RTF1: variants seen among roughly 807,000 people sequenced by gnomAD.
RTF1 encodes the protein RNA polymerase-associated protein RTF1 homolog.
Under a neutral mutation model 95.7 loss-of-function variants are expected in RTF1, and 10 were observed. The observed-to-expected ratio is 0.10, with a 90% CI of 0.06 to 0.18. RTF1 has a LOEUF of 0.18. RTF1 is among the 10% of genes least tolerant of loss of function. RTF1 has a pLI of 1.00. For missense variants in RTF1, 458 were observed against 875.6 expected, an observed-to-expected ratio of 0.52 and a Z score of 6.02; for synonymous variants, 305 against 311.8, an observed-to-expected ratio of 0.98 and a Z score of 0.23.
intron 6 of RTF1, 40 bp from the exon 7 acceptor site, chr15:41,470,217 G>T: frequency 1.3e-6 from 2 of 1,592,786 alleles, no homozygotes; most frequent in Non-Finnish European, 1.7e-6. Flanking sequence ...TCATTTTCTT[G>T]TTGAGAAAAC....
At chr15:41,470,234 A>T in intron 6 of RTF1, 23 bp from the exon 7 acceptor site, 5 of 1,603,946 alleles carry the variant, frequency 3.1e-6, no homozygotes, top group Non-Finnish European at 4.3e-6. Context: ...AAACCTAGGT[A>T]AACATCTCTT....
At chr15:41,431,855 C>T (rs1479254869) in intron 1 of RTF1, among the ~76,000 whole-genome samples, 2 of 151,612 alleles carry the variant, frequency 1.3e-5, no homozygotes, top group African/African-American at 4.9e-5. Flanking sequence ...GGCCAGAGTG[C>T]AGTGGCACGA....
rs1388802098 is a variant in RTF1, at chr15:41,475,740, C to A, written c.1403C>A (p.Thr468Asn). 6.2e-7 allele frequency: 1 copy of A among 1,609,730 alleles called. No homozygotes were observed. Among genetic ancestry groups the A allele is most frequent in the African/African-American group, 1.3e-5 (1 of 74,864 alleles). The change falls in exon 11 of 18, where the codon ACT becomes AAT. Residue 468 changes from threonine to asparagine, a missense_variant. Transcript: ENST00000389629. The part of the protein sequence containing the change: ...AMFSAGMQLP[T>N]LDEINKKELS... ...TTCTCTGCTGGCATGCAGTTGCCCA[C>A]TCTAGATGAAATCAATAAAAAGGAA...
intron 4 of RTF1, among the ~76,000 whole-genome samples, chr15:41,461,477 G>A (rs112083623): frequency 6.5e-4 from 93 of 142,406 alleles, no homozygotes; most frequent in African/African-American, 2.0e-3. Flanking sequence ...CCACCACACC[G>A]GCCTGGCTAA....
intron 1 of RTF1, among the ~76,000 whole-genome samples, chr15:41,432,862 C>T (rs1360107236): frequency 7.2e-5 from 11 of 151,866 alleles, no homozygotes; most frequent in Middle Eastern, 3.4e-3. Flanking sequence ...TTGCTTGAAC[C>T]AGGAGGCCGA....
At chr15:41,470,138 C>A in intron 6 of RTF1, 119 bp from the exon 7 acceptor site, 1 of 1,045,596 alleles carries the variant, frequency 9.6e-7, no homozygotes, top group Non-Finnish European at 1.4e-6. Flanking sequence ...TTAGCACAAT[C>A]CAGTCTAGAG....
chr15:41,470,485 A>G (rs1162620611), intron 7 of RTF1, 93 bp downstream of exon 7: 17 of 1,303,606 alleles, frequency 1.3e-5, no homozygotes, highest in African/African-American at 4.4e-5. Context: ...TGGTTGGGCC[A>G]CTAACTCTGA....
In RTF1 at chr15:41,419,544, A is replaced by C. The variant is rs116997239; in HGVS notation, c.198+2231A>C. ...TGATAATGTTTCACAGTCATTTTTC[A>C]TGGTGCTAGAGTTCGTGTTTATAAA... is the stretch of plus-strand genomic sequence containing the variant. On this transcript the variant is annotated intron_variant, in intron 1 of 17. Coordinates refer to ENST00000389629, the MANE Select transcript of RTF1 (RefSeq NM_015138.5). 1.3e-4 allele frequency among the ~76,000 whole-genome samples: 20 copies of C among 152,272 alleles called. No individual in the cohort carries two copies. The East Asian group carries it at 2.3e-3, about 18-fold the overall frequency.
At chr15:41,458,870 G>A (rs976074264) in intron 4 of RTF1, among the ~76,000 whole-genome samples, 6 of 146,578 alleles carry the variant, frequency 4.1e-5, no homozygotes, top group Non-Finnish European at 4.5e-5. Context: ...TCAGGAGTTC[G>A]AGACCTGCCT....
chr15:41,417,961 C>T (rs2050580250), intron 1 of RTF1, among the ~76,000 whole-genome samples: 1 of 152,088 alleles, frequency 6.6e-6, no homozygotes, highest in Non-Finnish European at 1.5e-5. Context: ...GGAAAGAGGG[C>T]AGATACTGGA....
At chr15:41,453,375 A>C (rs2050797659) in intron 3 of RTF1, among the ~76,000 whole-genome samples, 1 of 152,110 alleles carries the variant, frequency 6.6e-6, no homozygotes, top group Non-Finnish European at 1.5e-5. Flanking sequence ...AGGGAATCTC[A>C]GTAGAAAATG....
intron 2 of RTF1, among the ~76,000 whole-genome samples, chr15:41,448,586 G>A (rs1175078874): frequency 6.6e-6 from 1 of 151,962 alleles, no homozygotes; most frequent in Non-Finnish European, 1.5e-5. Flanking sequence ...GGGTGTGGGG[G>A]CAGGTGACTA....
chr15:41,467,615 T>C (rs1455027146), intron 6 of RTF1, among the ~76,000 whole-genome samples: 1 of 152,002 alleles, frequency 6.6e-6, no homozygotes, highest in African/African-American at 2.4e-5. Context: ...CTCAGGAGGC[T>C]GAGGCAGGAG....
chr15:41,417,459 C>A, intron 1 of RTF1, 146 bp downstream of exon 1: 1 of 686,120 alleles, frequency 1.5e-6, no homozygotes, highest in Non-Finnish European at 2.1e-6. Flanking sequence ...CCTTTCCCGT[C>A]TTCCTGGAGT....
chr15:41,465,396 T>A (rs1251827632), intron 5 of RTF1, among the ~76,000 whole-genome samples: 1 of 152,148 alleles, frequency 6.6e-6, no homozygotes, highest in African/African-American at 2.4e-5. Flanking sequence ...ATCCCAGCAC[T>A]TTGAGAGGCC....
At chr15:41,432,965 T>C (rs1407296898) in intron 1 of RTF1, among the ~76,000 whole-genome samples, 2 of 147,704 alleles carry the variant, frequency 1.4e-5, no homozygotes, top group African/African-American at 2.5e-5. Flanking sequence ...CAAACAGGCA[T>C]ACTGAGGTCG....
chr15:41,434,624 CT>C (rs61546529), intron 1 of RTF1, among the ~76,000 whole-genome samples: 28,669 of 141,306 alleles, frequency 0.2, 3,329 homozygotes, highest in Non-Finnish European at 0.28. Context: ...GTACTAATGT[CT>C]TTTTTTTTTT....
At chr15:41,422,766 C>G (rs1362092799) in intron 1 of RTF1, among the ~76,000 whole-genome samples, 1 of 152,080 alleles carries the variant, frequency 6.6e-6, no homozygotes, top group Non-Finnish European at 1.5e-5. Flanking sequence ...AATAGGCCCC[C>G]CTAAGTATTT....
At chr15:41,422,879 A>G (rs564119628) in intron 1 of RTF1, among the ~76,000 whole-genome samples, 31 of 152,186 alleles carry the variant, frequency 2.0e-4, no homozygotes, top group Middle Eastern at 3.4e-3. Flanking sequence ...GGTTCAAACA[A>G]TTCTCTGCCT....
Sources: gnomAD v4.1 joint callset for allele counts (sites outside exome capture counted in the v4.1 genomes callset) on GRCh38, gnomAD v4.1.1 for gene constraint, MANE v1.5 for transcripts, NCBI Gene and HGNC (gene_info 2026-07-23, HGNC 2026-07-21) for gene names.